Variants in PKD1L1 observed in about 807,000 individuals in gnomAD.
PKD1L1 encodes the protein polycystin-1-like protein 1.
PKD1L1 carries 236 observed loss-of-function variants against 323.4 expected under a neutral mutation model. That is an observed-to-expected ratio of 0.73 (90% CI 0.66 to 0.81). The LOEUF is 0.81. Ranked by LOEUF, PKD1L1 falls within the 40% of genes least tolerant of loss-of-function variation. The pLI, the probability that PKD1L1 is intolerant of heterozygous loss-of-function variation, is 0.00. For synonymous variants in PKD1L1, 1,344 were observed against 1,335.0 expected (o/e 1.01, Z -0.15); for missense variants, 3,320 against 3,508.0 (o/e 0.95, Z 1.35).
chr7:47,933,582 T>A (rs1300841894), intron 4 of PKD1L1, among the ~76,000 whole-genome samples: 2 of 152,150 alleles, frequency 1.3e-5, no homozygotes, highest in Non-Finnish European at 2.9e-5. Flanking sequence ...ACCATGCCAC[T>A]GCCTGGGCCG....
chr7:47,793,831 T>C (rs1787010468), intron 55 of PKD1L1, among the ~76,000 whole-genome samples: 1 of 152,030 alleles, frequency 6.6e-6, no homozygotes, highest in African/African-American at 2.4e-5. Flanking sequence ...ATATGAAAAA[T>C]AAAGTCCAGG....
chr7:47,786,356 C>T (rs887337720), intron 56 of PKD1L1, among the ~76,000 whole-genome samples: 1 of 125,490 alleles, frequency 8.0e-6, no homozygotes, highest in Non-Finnish European at 1.8e-5. Context: ...TGGCTTCCTG[C>T]TCCTAAGTAA....
At chr7:47,811,173 A>G (rs1164490698) in intron 50 of PKD1L1, among the ~76,000 whole-genome samples, 8 of 80,588 alleles carry the variant, frequency 9.9e-5, no homozygotes, top group African/African-American at 3.5e-4. Context: ...TTTTTTTTTT[A>G]GACGGAGTCT....
chr7:47,950,193 G>A (rs1027612929), upstream of PKD1L1, among the ~76,000 whole-genome samples: 20 of 152,144 alleles, frequency 1.3e-4, no homozygotes, highest in African/African-American at 4.3e-4. Flanking sequence ...AGAGTCCACT[G>A]GGTAAAGACA....
intron 46 of PKD1L1, 34 bp downstream of exon 46, chr7:47,821,042 C>A: frequency 7.5e-7 from 1 of 1,330,800 alleles, no homozygotes; most frequent in East Asian, 2.3e-5. Context: ...AGTGCAATGG[C>A]CCCAGATCTG....
chr7:47,873,843 C>T, intron 24 of PKD1L1, 56 bp downstream of exon 24: 1 of 1,388,514 alleles, frequency 7.2e-7, no homozygotes, highest in South Asian at 1.3e-5. Context: ...GGAGAGCCAA[C>T]TCTGGAAGAA....
At chr7:47,837,194 C>A (rs557984907) in intron 36 of PKD1L1, 100 bp from the exon 37 acceptor site, 84 of 1,334,704 alleles carry the variant, frequency 6.3e-5, no homozygotes, top group Non-Finnish European at 8.4e-5. Context: ...AGACCACGAG[C>A]TTTCTGGTTC....
At chr7:47,904,267 C>T (rs1562982677) in intron 12 of PKD1L1, 111 bp downstream of exon 12, 1 of 1,423,538 alleles carries the variant, frequency 7.0e-7, no homozygotes, top group Non-Finnish European at 9.6e-7. Flanking sequence ...TCATCTGTCA[C>T]CTACGTTGAC....
At chr7:47,920,543 C>A (rs915614558) in intron 7 of PKD1L1, among the ~76,000 whole-genome samples, 11 of 151,986 alleles carry the variant, frequency 7.2e-5, no homozygotes, top group African/African-American at 2.7e-4. Flanking sequence ...AAAAACAATT[C>A]TAAAATTCAT....
the PKD1L1 span, among the ~76,000 whole-genome samples, chr7:47,959,332 G>C: frequency 6.7e-6 from 1 of 149,736 alleles, no homozygotes; most frequent in African/African-American, 2.5e-5. Flanking sequence ...AGTCTGGAAA[G>C]TGAGGAGCGT....
intron 56 of PKD1L1, among the ~76,000 whole-genome samples, chr7:47,790,291 G>A (rs745774421): frequency 1.9e-4 from 29 of 151,702 alleles, no homozygotes; most frequent in Non-Finnish European, 3.8e-4. Context: ...CATTTAAACA[G>A]TTTTTTATGA....
intron 45 of PKD1L1, among the ~76,000 whole-genome samples, chr7:47,822,718 A>G (rs1785172465): frequency 6.6e-6 from 1 of 151,648 alleles, no homozygotes; most frequent in African/African-American, 2.4e-5. Flanking sequence ...CTATCTCTCC[A>G]TTTATTCAGA....
intron 13 of PKD1L1, among the ~76,000 whole-genome samples, chr7:47,901,109 G>T (rs151337609): frequency 0.015 from 2,231 of 152,134 alleles, 49 homozygotes; most frequent in African/African-American, 0.051. Context: ...GGAGGCCAAG[G>T]CAGGTGGATC....
At chr7:47,799,849 C>A (rs991113614) in intron 54 of PKD1L1, among the ~76,000 whole-genome samples, 1 of 152,198 alleles carries the variant, frequency 6.6e-6, no homozygotes, top group Admixed American at 6.5e-5. Context: ...ATGAGTCCCA[C>A]CCTTGTGATG....
intron 21 of PKD1L1, among the ~76,000 whole-genome samples, chr7:47,878,227 T>C (rs979659764): frequency 6.6e-6 from 1 of 152,206 alleles, no homozygotes; most frequent in Non-Finnish European, 1.5e-5. Context: ...AAATCATTGT[T>C]GTAAATAGCA....
rs183877866 is a variant in PKD1L1, at chr7:47,843,741, G to A, written c.5238-572C>T. Among the ~76,000 whole-genome samples the A allele has an allele frequency of 9.9e-5, 15 of 152,200 alleles. No individual in the cohort carries two copies. In the East Asian group the frequency reaches 2.3e-3, roughly 24 times the overall value. On this transcript the variant is annotated intron_variant, in intron 33 of 56. Coordinates refer to ENST00000289672, the MANE Select transcript of PKD1L1 (RefSeq NM_138295.5). The stretch of plus-strand genomic sequence containing the variant: ...GAGATCACTGAATGCCCACAGTTCC[G>A]TAGAATGACATTCATATCAAGCTGC...
Position 47,893,762 on chromosome 7 carries a change from G to A in PKD1L1, c.2453+116C>T, listed in dbSNP as rs562480964. ...CCTAAATAAAGCAGTTAAACTTAAC[G>A]AAAGTTGATGTGCTTAAAATTTAAA... On this transcript the variant is annotated intron_variant, in intron 15 of 56. Transcript: ENST00000289672. 278 of 1,098,212 alleles carry A rather than the reference G, an allele frequency of 2.5e-4. 2 individuals are homozygous for A. In the African/African-American group the frequency reaches 3.5e-3, roughly 14 times the overall value. The allele number at this position is 1,098,212 out of a possible 1,614,324, so 68.0% of individuals were successfully genotyped here. A position where few individuals can be genotyped will look rare whatever the true frequency, so the allele number is the denominator to read the frequency against.
intron 26 of PKD1L1, among the ~76,000 whole-genome samples, chr7:47,859,149 C>T (rs1273323239): frequency 3.3e-5 from 5 of 152,198 alleles, no homozygotes; most frequent in African/African-American, 4.8e-5. Flanking sequence ...TCCTAAGTAG[C>T]AAGCTGCTTT....
rs183877702 is a variant in PKD1L1, at chr7:47,921,820, A to T, written c.1061-6221T>A. ...AACCAAACATCGTATGTTCTCACTT[A>T]TAAGTGAGAGCTAAGCTATGAGGAT... On this transcript the variant is annotated intron_variant, in intron 7 of 56. Transcript: ENST00000289672. Among the ~76,000 whole-genome samples, 44 of 152,294 alleles carry T rather than the reference A, an allele frequency of 2.9e-4. No homozygotes were observed. In the East Asian group the frequency reaches 8.3e-3, roughly 29 times the overall value.
Sources: allele counts gnomAD v4.1 joint callset (sites outside exome capture counted in the v4.1 genomes callset), GRCh38; gene constraint gnomAD v4.1.1; transcripts MANE v1.5; gene names NCBI Gene and HGNC (gene_info 2026-07-23, HGNC 2026-07-21).